Variants in NCMAP observed in about 807,000 individuals in gnomAD.
The protein encoded by NCMAP is non-compact myelin associated protein.
NCMAP carries 8 observed loss-of-function variants against 7.8 expected under a neutral mutation model. The observed-to-expected ratio is 1.02, with a 90% CI of 0.60 to 1.84. NCMAP has a LOEUF of 1.84. Among genes scored for constraint, NCMAP ranks in the 40% most tolerant of loss-of-function variants. The probability of loss-of-function intolerance (pLI) is 0.00; values close to 1 mark genes in which losing one functional copy is unlikely to be tolerated. For missense variants in NCMAP, 112 were observed against 131.4 expected (o/e 0.85, Z 0.72); for synonymous variants, 41 against 52.9 (o/e 0.78, Z 0.98).
intron 1 of NCMAP, among the ~76,000 whole-genome samples, chr1:24,577,505 C>T (rs1270187707): frequency 6.8e-6 from 1 of 147,204 alleles, no homozygotes; most frequent in Non-Finnish European, 1.5e-5. Context: ...CAGCTCCTGG[C>T]CTCAAGTGAT....
intron 1 of NCMAP, among the ~76,000 whole-genome samples, chr1:24,556,952 C>T (rs1453820559): frequency 2.6e-5 from 4 of 152,144 alleles, no homozygotes; most frequent in South Asian, 2.1e-4. Flanking sequence ...CCAACAGTCT[C>T]GGGCAAGTCC....
intron 1 of NCMAP, among the ~76,000 whole-genome samples, chr1:24,577,401 GTTT>G (rs71577720): frequency 0.015 from 606 of 39,894 alleles, 1 homozygote; most frequent in Non-Finnish European, 0.022. Context: ...CACTGGCCTT[GTTT>G]TTTTTTTTTT....
rs1570522151 is a variant in NCMAP at position 24,576,379 on chromosome 1, G to A, written c.-7-19045G>A. 6.6e-6 allele frequency among the ~76,000 whole-genome samples: 1 copy of A among 152,194 alleles called. No homozygotes were observed. The highest frequency in any genetic ancestry group is 1.5e-5 in the Non-Finnish European group (1 of 68,038). ...TTGGGCCTATTGTGACTGGCCACTG[G>A]CCAGCTCACACCGTGGGCAGCTTGA... On this transcript the variant is annotated intron_variant, in intron 1 of 3. Coordinates refer to ENST00000374392, the MANE Select transcript of NCMAP (RefSeq NM_001010980.5). This position sits in a 1 kb window ranked among gnomAD's most constrained non-coding sequence, Gnocchi z 4.0.
Position 24,577,407 on chromosome 1 carries a change from T to TTTTG in NCMAP, c.-7-18014_-7-18013insGTTT, listed in dbSNP as rs1557596533. Among the ~76,000 whole-genome samples the TTTTG allele has an allele frequency of 2.2e-4, 31 of 140,856 alleles. 1 individual carries two copies. The highest frequency in any genetic ancestry group is 6.9e-4 in the African/African-American group (25 of 36,036). The allele number at this position is 140,856 out of a possible 152,430, so 92.4% of individuals were successfully genotyped here. A position where few individuals can be genotyped will look rare whatever the true frequency, so the allele number is the denominator to read the frequency against. On this transcript the variant is annotated intron_variant, in intron 1 of 3. Coordinates refer to ENST00000374392, the MANE Select transcript of NCMAP (RefSeq NM_001010980.5). ...CTAAGAAGGCACTGGCCTTGTTTTTTTTTTTTTTTTTTTTTTTTTTTTTTG... is the reference window on the plus strand; with the variant it reads ...CTAAGAAGGCACTGGCCTTGTTTTTTTTTGTTTTTTTTTTTTTTTTTTTTTTTTG...
intron 1 of NCMAP, among the ~76,000 whole-genome samples, chr1:24,563,162 A>G (rs1018645419): frequency 6.6e-6 from 1 of 152,274 alleles, no homozygotes; most frequent in Non-Finnish European, 1.5e-5. Flanking sequence ...GAAATAATAC[A>G]AGAACAAAAA....
chr1:24,601,236 C>G lies in NCMAP; in HGVS notation c.167+212C>G, dbSNP rs55691364. Among the ~76,000 whole-genome samples, 1,755 of 151,808 alleles carry G rather than the reference C, an allele frequency of 0.012. 100 individuals are homozygous for G. Among genetic ancestry groups the G allele is most frequent in the Admixed American group, 0.097 (1,475 of 15,230 alleles). On this transcript the variant is annotated intron_variant, in intron 3 of 3. Coordinates refer to ENST00000374392, the MANE Select transcript of NCMAP (RefSeq NM_001010980.5). ...TGTACTTGGAGAAATATTTTTTAAACGTAGTAATGATAATGACAATGATAA... is the reference window on the plus strand; with the variant it reads ...TGTACTTGGAGAAATATTTTTTAAAGGTAGTAATGATAATGACAATGATAA...
chr1:24,597,215 G>A (rs1050430615), intron 2 of NCMAP, among the ~76,000 whole-genome samples: 3 of 151,974 alleles, frequency 2.0e-5, no homozygotes. Flanking sequence ...ACTGAAAGTA[G>A]TGGTTCTTGG....
At chr1:24,582,817 T>TCCTA (rs71032829) in intron 1 of NCMAP, among the ~76,000 whole-genome samples, 30,051 of 152,116 alleles carry the variant, frequency 0.2, 3,074 homozygotes, top group African/African-American at 0.22. Flanking sequence ...AACGTATAGA[T>TCCTA]CCTAGCTTTG....
intron 1 of NCMAP, among the ~76,000 whole-genome samples, chr1:24,558,965 T>TA (rs35378487): frequency 0.05 from 7,462 of 148,476 alleles, 515 homozygotes; most frequent in African/African-American, 0.16. Context: ...TTTAATTTCT[T>TA]AAAAAAAAAA....
chr1:24,560,874 G>A (rs1050414904), intron 1 of NCMAP, among the ~76,000 whole-genome samples: 12 of 152,018 alleles, frequency 7.9e-5, no homozygotes, highest in South Asian at 4.2e-4. Context: ...ACTTGCTTGC[G>A]GAGAGCTTCT....
At chr1:24,604,176 T>C (rs1652603313) in intron 3 of NCMAP, among the ~76,000 whole-genome samples, 1 of 150,990 alleles carries the variant, frequency 6.6e-6, no homozygotes, top group African/African-American at 2.5e-5. Flanking sequence ...GGGATTAAGT[T>C]TCCAATGCAG....
At chr1:24,601,615 A>G (rs944266036) in intron 3 of NCMAP, among the ~76,000 whole-genome samples, 1 of 152,234 alleles carries the variant, frequency 6.6e-6, no homozygotes, top group African/African-American at 2.4e-5. Context: ...TTCTTTAAAA[A>G]GGTATCGTGG....
intron 1 of NCMAP, among the ~76,000 whole-genome samples, chr1:24,561,178 C>CAAAAAAAAAA (rs755072214): frequency 2.7e-3 from 273 of 102,496 alleles, no homozygotes; most frequent in Non-Finnish European, 3.5e-3. Context: ...ACTAAAAATA[C>CAAAAAAAAAA]AAAAAAAAAA....
At chr1:24,599,614 G>A (rs1158044251) in intron 2 of NCMAP, among the ~76,000 whole-genome samples, 1 of 152,158 alleles carries the variant, frequency 6.6e-6, no homozygotes, top group Non-Finnish European at 1.5e-5. Flanking sequence ...GTCTTGCTCT[G>A]TCGCCCAGGC....
intron 1 of NCMAP, among the ~76,000 whole-genome samples, chr1:24,594,322 T>C (rs1343629830): frequency 6.6e-6 from 1 of 152,162 alleles, no homozygotes; most frequent in African/African-American, 2.4e-5. Context: ...ATTGTAGCCT[T>C]GTGCATTTTG....
intron 1 of NCMAP, among the ~76,000 whole-genome samples, chr1:24,571,600 C>A (rs1370098706): frequency 6.7e-6 from 1 of 149,184 alleles, no homozygotes; most frequent in African/African-American, 2.5e-5. Context: ...CTTTTTTTTT[C>A]TTTGAGATGG....
At chr1:24,558,514 T>C (rs1048111089) in intron 1 of NCMAP, among the ~76,000 whole-genome samples, 3 of 152,202 alleles carry the variant, frequency 2.0e-5, no homozygotes, top group African/African-American at 7.2e-5. Context: ...TCTCCTGCCA[T>C]CATCAATGCC....
chr1:24,568,762 T>C (rs2776734), intron 1 of NCMAP, among the ~76,000 whole-genome samples: 98,554 of 151,820 alleles, frequency 0.65, 32,270 homozygotes, highest in African/African-American at 0.72. Flanking sequence ...GAATCCATAA[T>C]AAACTGAATC....
intron 1 of NCMAP, among the ~76,000 whole-genome samples, chr1:24,569,251 C>T (rs1651319643): frequency 6.6e-6 from 1 of 152,068 alleles, no homozygotes; most frequent in South Asian, 2.1e-4. Flanking sequence ...GCCTCAGCCT[C>T]CCAAAGTGCT....
Sources: allele counts gnomAD v4.1 joint callset (sites outside exome capture counted in the v4.1 genomes callset), GRCh38; gene constraint gnomAD v4.1.1; non-coding constraint Gnocchi (gnomAD v3.1); transcripts MANE v1.5; gene names NCBI Gene and HGNC (gene_info 2026-07-23, HGNC 2026-07-21).